SNAP91: variants seen among roughly 807,000 people sequenced by gnomAD.
SNAP91 encodes synaptosome associated protein 91, also known as clathrin coat assembly protein AP180.
Under a neutral mutation model 100.3 loss-of-function variants are expected in SNAP91, and 27 were observed. The observed-to-expected ratio is 0.27, with a 90% CI of 0.20 to 0.37. The LOEUF is 0.37. Among genes scored for constraint, SNAP91 ranks in the 10% least tolerant of loss-of-function variants. The probability of loss-of-function intolerance (pLI) is 1.00; values close to 1 mark genes in which losing one functional copy is unlikely to be tolerated. For synonymous variants in SNAP91, 404 were observed against 398.6 expected (o/e 1.01, Z -0.16); for missense variants, 986 against 1,123.7 (o/e 0.88, Z 1.75).
intron 7 of SNAP91, among the ~76,000 whole-genome samples, chr6:83,647,015 T>C (rs536208367): frequency 6.6e-6 from 1 of 152,176 alleles, no homozygotes; most frequent in Non-Finnish European, 1.5e-5. Context: ...AGAAAGCCAC[T>C]GACTTTTGTA....
chr6:83,676,018 G>A (rs1384019936), intron 2 of SNAP91, among the ~76,000 whole-genome samples: 2 of 151,630 alleles, frequency 1.3e-5, no homozygotes, highest in Admixed American at 6.6e-5. Flanking sequence ...GGCTGAGGTG[G>A]GAAGATCACT....
intron 26 of SNAP91, among the ~76,000 whole-genome samples, chr6:83,568,046 G>GT (rs1221214657): frequency 6.6e-6 from 1 of 151,094 alleles, no homozygotes; most frequent in Non-Finnish European, 1.5e-5. Flanking sequence ...ACATGCACAC[G>GT]TATGTTTATT....
At chr6:83,637,253 A>T (rs2097497568) in intron 8 of SNAP91, among the ~76,000 whole-genome samples, 1 of 152,212 alleles carries the variant, frequency 6.6e-6, no homozygotes, top group South Asian at 2.1e-4. Context: ...TTTGCTCAAA[A>T]GGGGGCTTTG....
intron 2 of SNAP91, among the ~76,000 whole-genome samples, chr6:83,699,033 G>A (rs1028277076): frequency 5.3e-5 from 8 of 152,154 alleles, no homozygotes; most frequent in Non-Finnish European, 1.2e-4. Context: ...CACTGGATGG[G>A]AAGCTCCAAG....
intron 9 of SNAP91, among the ~76,000 whole-genome samples, chr6:83,622,899 A>G (rs930015630): frequency 6.6e-6 from 1 of 152,218 alleles, no homozygotes; most frequent in East Asian, 1.9e-4. Context: ...GGTCTCCTTC[A>G]TATCTGGGAC....
intron 23 of SNAP91, among the ~76,000 whole-genome samples, 177 bp downstream of exon 23, chr6:83,582,045 T>C (rs540202767): frequency 6.6e-6 from 1 of 151,856 alleles, no homozygotes; most frequent in South Asian, 2.1e-4. Context: ...TGGATACCAA[T>C]GTGTACTATA....
intron 10 of SNAP91, 128 bp downstream of exon 10, chr6:83,616,841 G>A (rs2096512384): frequency 1.7e-6 from 1 of 589,376 alleles, no homozygotes. Context: ...TTCTGAGGGA[G>A]CCCAGAAAAT....
At position 83,567,924 on chromosome 6, in the gene SNAP91, G is replaced by A. The variant is rs536265596; in HGVS notation, c.2443-6977C>T. On this transcript the variant is annotated intron_variant, in intron 26 of 29. Coordinates refer to ENST00000369694, the MANE Select transcript of SNAP91 (RefSeq NM_001242792.2). ...ACTGTAAACTAGTTCAACCATTGTG[G>A]AAGTCAGTGTTGTGATTCCTCAGGG... Among the ~76,000 whole-genome samples, 267 of 152,134 alleles carry A rather than the reference G, an allele frequency of 1.8e-3. 1 individual carries two copies. Among genetic ancestry groups the A allele is most frequent in the African/African-American group, 6.1e-3 (252 of 41,472 alleles).
intron 8 of SNAP91, among the ~76,000 whole-genome samples, chr6:83,639,150 A>G (rs2097574931): frequency 6.6e-6 from 1 of 152,188 alleles, no homozygotes; most frequent in South Asian, 2.1e-4. Context: ...GTATTTTGAA[A>G]ATCATATTCT....
At chr6:83,637,480 G>A (rs988445385) in intron 8 of SNAP91, among the ~76,000 whole-genome samples, 4 of 152,194 alleles carry the variant, frequency 2.6e-5, no homozygotes, top group Non-Finnish European at 4.4e-5. Flanking sequence ...TGTGGCCCAG[G>A]GTTTCCAGCC....
intron 8 of SNAP91, among the ~76,000 whole-genome samples, chr6:83,624,860 A>C (rs988606460): frequency 6.6e-6 from 1 of 152,120 alleles, no homozygotes; most frequent in Non-Finnish European, 1.5e-5. Flanking sequence ...CTTTTTCTGC[A>C]ACTACCAAAT....
chr6:83,634,192 T>C (rs1161942010), intron 8 of SNAP91, among the ~76,000 whole-genome samples: 1 of 152,178 alleles, frequency 6.6e-6, no homozygotes, highest in East Asian at 1.9e-4. Context: ...GCCACCGTCC[T>C]GAAGGACCCC....
intron 26 of SNAP91, among the ~76,000 whole-genome samples, chr6:83,573,782 A>G (rs2128061536): frequency 6.6e-6 from 1 of 152,304 alleles, no homozygotes; most frequent in Middle Eastern, 3.4e-3. Flanking sequence ...CCTTCCTTAC[A>G]CCTTATACAA....
At chr6:83,558,407 G>C (rs1433648194) in intron 28 of SNAP91, among the ~76,000 whole-genome samples, 1 of 152,130 alleles carries the variant, frequency 6.6e-6, no homozygotes, top group Non-Finnish European at 1.5e-5. Flanking sequence ...ACACTACACA[G>C]GGTTCACCAG....
At chr6:83,617,348 C>T (rs2096539268) in intron 9 of SNAP91, among the ~76,000 whole-genome samples, 1 of 151,894 alleles carries the variant, frequency 6.6e-6, no homozygotes, top group African/African-American at 2.4e-5. Context: ...TCAAGTTCAC[C>T]ACCTCCTTCT....
chr6:83,666,648 AAAT>A (rs2098692086), intron 2 of SNAP91, among the ~76,000 whole-genome samples: 1 of 152,148 alleles, frequency 6.6e-6, no homozygotes, highest in African/African-American at 2.4e-5. Context: ...TACCACTGAA[AAAT>A]ATCTAAACTC....
intron 2 of SNAP91, among the ~76,000 whole-genome samples, chr6:83,693,056 T>C (rs932138389): frequency 1.3e-5 from 2 of 152,210 alleles, no homozygotes; most frequent in African/African-American, 4.8e-5. Flanking sequence ...GGGCCTGATG[T>C]TTTAACTGTT....
chr6:83,684,601 T>G (rs770100355), intron 2 of SNAP91, among the ~76,000 whole-genome samples: 14 of 152,194 alleles, frequency 9.2e-5, no homozygotes, highest in African/African-American at 2.9e-4. Flanking sequence ...TCATGAAGAT[T>G]TATTCACATA....
At chr6:83,687,775 G>T (rs1007802602) in intron 2 of SNAP91, among the ~76,000 whole-genome samples, 9 of 152,186 alleles carry the variant, frequency 5.9e-5, no homozygotes, top group African/African-American at 2.2e-4. Context: ...ACTAGCAGGG[G>T]CAGAGGAGAT....
Sources: allele counts gnomAD v4.1 joint callset (sites outside exome capture counted in the v4.1 genomes callset), GRCh38; gene constraint gnomAD v4.1.1; transcripts MANE v1.5; gene names NCBI Gene and HGNC (gene_info 2026-07-23, HGNC 2026-07-21).